PPP1R9A: variants seen among roughly 807,000 people sequenced by gnomAD.
PPP1R9A encodes protein phosphatase 1 regulatory subunit 9A, also known as neurabin-1.
PPP1R9A carries 59 observed loss-of-function variants against 141.9 expected under a neutral mutation model. The ratio of observed to expected loss-of-function variants is 0.42; its 90% confidence interval spans 0.34 to 0.52. The LOEUF (loss-of-function observed/expected upper bound fraction) is 0.52. Among genes scored for constraint, PPP1R9A ranks in the 20% least tolerant of loss-of-function variants. The probability of loss-of-function intolerance (pLI) is 0.10; values close to 1 mark genes in which losing one functional copy is unlikely to be tolerated. For missense variants in PPP1R9A, 1,444 were observed against 1,611.9 expected (o/e 0.90, Z 1.78); for synonymous variants, 500 against 569.7 (o/e 0.88, Z 1.74).
chr7:94,918,515 C>T (rs1242620342), intron 2 of PPP1R9A, among the ~76,000 whole-genome samples: 1 of 151,994 alleles, frequency 6.6e-6, no homozygotes, highest in Non-Finnish European at 1.5e-5. Context: ...TAACAAAGTT[C>T]ACCACTTTGA....
chr7:94,929,574 T>G lies in PPP1R9A; in HGVS notation c.1395+18066T>G, dbSNP rs901264114. 1.2e-4 allele frequency among the ~76,000 whole-genome samples: 18 copies of G among 152,294 alleles called. No individual in the cohort carries two copies. In the East Asian group the frequency reaches 3.5e-3, roughly 29 times the overall value. Reference sequence around the variant, plus strand: ...ATGGTAAGGCATGTACCACAAAGTTTAATATTGTTGGTACATGTTAAGGCA... The same window carrying G: ...ATGGTAAGGCATGTACCACAAAGTTGAATATTGTTGGTACATGTTAAGGCA... On this transcript the variant is annotated intron_variant, in intron 2 of 19. Transcript: ENST00000433360.
At chr7:94,988,216 G>A (rs1801084438) in intron 2 of PPP1R9A, among the ~76,000 whole-genome samples, 1 of 152,034 alleles carries the variant, frequency 6.6e-6, no homozygotes, top group Non-Finnish European at 1.5e-5. Flanking sequence ...CCAAATATGT[G>A]TATATTACAA....
intron 2 of PPP1R9A, among the ~76,000 whole-genome samples, chr7:94,921,386 G>A (rs1584221148): frequency 6.6e-6 from 1 of 151,556 alleles, no homozygotes; most frequent in Middle Eastern, 3.4e-3. Flanking sequence ...GGCGGAAGTT[G>A]CAGTGAGCTG....
intron 4 of PPP1R9A, among the ~76,000 whole-genome samples, chr7:95,127,037 A>G (rs1447287211): frequency 6.6e-6 from 1 of 151,988 alleles, no homozygotes; most frequent in Non-Finnish European, 1.5e-5. Context: ...TCTTGAACTT[A>G]TCTCCACCTT....
At chr7:95,029,547 C>T (rs981351247) in intron 2 of PPP1R9A, among the ~76,000 whole-genome samples, 2 of 152,082 alleles carry the variant, frequency 1.3e-5, no homozygotes, top group African/African-American at 2.4e-5. Flanking sequence ...GAAGGGAGCC[C>T]AGAAGGTCTG....
chr7:94,985,335 A>G (rs1754568369), intron 2 of PPP1R9A, among the ~76,000 whole-genome samples: 1 of 152,204 alleles, frequency 6.6e-6, no homozygotes, highest in African/African-American at 2.4e-5. Flanking sequence ...GATGTCTATT[A>G]GGTCTGCTTG....
chr7:95,011,283 C>T (rs191278366), intron 2 of PPP1R9A, among the ~76,000 whole-genome samples: 3 of 152,154 alleles, frequency 2.0e-5, no homozygotes, highest in African/African-American at 7.2e-5. Flanking sequence ...ACAGTAAAAG[C>T]ATCTGAAAAA....
At chr7:95,010,831 G>T (rs1804313779) in intron 2 of PPP1R9A, among the ~76,000 whole-genome samples, 1 of 152,070 alleles carries the variant, frequency 6.6e-6, no homozygotes, top group Non-Finnish European at 1.5e-5. Flanking sequence ...AAAATTTAAA[G>T]ATAAACAGGA....
intron 2 of PPP1R9A, among the ~76,000 whole-genome samples, chr7:94,952,367 G>T (rs950799602): frequency 1.3e-5 from 2 of 152,090 alleles, no homozygotes; most frequent in Non-Finnish European, 2.9e-5. Context: ...TGGGCATTTG[G>T]GTTGGTTCCA....
chr7:95,063,963 A>C (rs1384971316), intron 2 of PPP1R9A, among the ~76,000 whole-genome samples: 1 of 152,194 alleles, frequency 6.6e-6, no homozygotes, highest in Non-Finnish European at 1.5e-5. Flanking sequence ...GAGCCTTATA[A>C]ATTTACTATA....
chr7:95,185,330 C>T (rs1421785219), intron 5 of PPP1R9A, among the ~76,000 whole-genome samples: 1 of 151,286 alleles, frequency 6.6e-6, no homozygotes, highest in Admixed American at 6.6e-5. Flanking sequence ...TTATATATAT[C>T]TTCTTTGAGA....
intron 4 of PPP1R9A, among the ~76,000 whole-genome samples, chr7:95,151,434 A>G (rs1206743711): frequency 3.3e-5 from 5 of 152,218 alleles, no homozygotes; most frequent in Non-Finnish European, 7.4e-5. Context: ...TGGAGACAGT[A>G]AAAAGATCAT....
intron 7 of PPP1R9A, among the ~76,000 whole-genome samples, chr7:95,218,024 G>C (rs923719206): frequency 6.6e-6 from 1 of 152,080 alleles, no homozygotes; most frequent in African/African-American, 2.4e-5. Context: ...TTTTGAATGT[G>C]TTTGCTCTTG....
At chr7:95,196,134 TAGAA>T (rs1178762789) in intron 5 of PPP1R9A, among the ~76,000 whole-genome samples, 1 of 151,924 alleles carries the variant, frequency 6.6e-6, no homozygotes, top group African/African-American at 2.4e-5. Context: ...AACTCAATAA[TAGAA>T]AGACAACCCA....
chr7:94,963,093 T>A (rs1444307006), intron 2 of PPP1R9A, among the ~76,000 whole-genome samples: 6 of 152,052 alleles, frequency 3.9e-5, no homozygotes, highest in Admixed American at 3.9e-4. Context: ...GCATTTGGGT[T>A]TATGAAACCA....
At chr7:94,933,255 T>C (rs1462683732) in intron 2 of PPP1R9A, among the ~76,000 whole-genome samples, 1 of 152,180 alleles carries the variant, frequency 6.6e-6, no homozygotes, top group East Asian at 1.9e-4. Flanking sequence ...TTAAGGAAGA[T>C]AAATGTATTA....
chr7:95,253,528 A>T (rs560579467), intron 12 of PPP1R9A, among the ~76,000 whole-genome samples: 26 of 149,828 alleles, frequency 1.7e-4, no homozygotes, highest in African/African-American at 5.9e-4. Context: ...AGTGCCTCTT[A>T]GGCAGCTGAA....
At chr7:94,917,521 C>T (rs923427345) in intron 2 of PPP1R9A, among the ~76,000 whole-genome samples, 2 of 152,062 alleles carry the variant, frequency 1.3e-5, no homozygotes, top group South Asian at 4.2e-4. Context: ...ATTCTCCTGC[C>T]TCAGCCTCCC....
At chr7:95,186,509 A>G (rs1192552745) in intron 5 of PPP1R9A, among the ~76,000 whole-genome samples, 1 of 151,610 alleles carries the variant, frequency 6.6e-6, no homozygotes, top group Non-Finnish European at 1.5e-5. Context: ...CCCTTTATTT[A>G]TTTCTTTTGT....
Sources: gnomAD v4.1 joint callset for allele counts (sites outside exome capture counted in the v4.1 genomes callset) on GRCh38, gnomAD v4.1.1 for gene constraint, MANE v1.5 for transcripts, NCBI Gene and HGNC (gene_info 2026-07-23, HGNC 2026-07-21) for gene names.